The following SMC1A variants were observed in gnomAD, a reference collection of about 807,000 sequenced individuals.
SMC1A encodes structural maintenance of chromosomes 1A, also known as structural maintenance of chromosomes protein 1A.
Under a neutral mutation model 94.5 loss-of-function variants are expected in SMC1A, and 4 were observed. The observed-to-expected ratio is 0.04, with a 90% confidence interval of 0.02 to 0.10. The LOEUF (loss-of-function observed/expected upper bound fraction) is 0.10. Among genes scored for constraint, SMC1A ranks in the 10% least tolerant of loss-of-function variants. SMC1A has a pLI of 1.00. For missense variants in SMC1A, 304 were observed against 989.0 expected, an observed-to-expected ratio of 0.31 and a Z score of 9.29; for synonymous variants, 345 against 347.7, an observed-to-expected ratio of 0.99 and a Z score of 0.09.
At chrX:53,406,107 C>T in intron 9 of SMC1A, 151 bp from the exon 10 acceptor site, 1 of 561,089 alleles carries the variant, frequency 1.8e-6, no homozygotes, top group Non-Finnish European at 3.0e-6. Flanking sequence ...TAACCCAATA[C>T]CAAGCATGGT....
intron 7 of SMC1A, among the ~76,000 whole-genome samples, chrX:53,410,094 T>C (rs2075705323): frequency 9.0e-6 from 1 of 111,400 alleles, no homozygotes; most frequent in Non-Finnish European, 1.9e-5. Flanking sequence ...CTTTCTATCA[T>C]TGCTGTTATT....
chrX:53,380,239 G>A (rs1381905412), intron 24 of SMC1A, 53 bp from the exon 25 acceptor site: 15 of 930,028 alleles, frequency 1.6e-5, no homozygotes, highest in Non-Finnish European at 2.2e-5. Context: ...AGAATTAAGA[G>A]GGGTCTAGTG....
chrX:53,419,278 G>C (rs907986477), intron 1 of SMC1A, among the ~76,000 whole-genome samples: 45 of 110,248 alleles, frequency 4.1e-4, no homozygotes, highest in African/African-American at 1.5e-3. Context: ...TGTAATCCCA[G>C]CACTCTGGGA....
intron 24 of SMC1A, 96 bp downstream of exon 24, chrX:53,380,524 T>TC: frequency 1.7e-6 from 1 of 592,556 alleles, no homozygotes; most frequent in Non-Finnish European, 2.8e-6. Context: ...TTCCCTATGC[T>TC]CCCCCACCTC....
chrX:53,398,529 C>A, intron 16 of SMC1A, among the ~76,000 whole-genome samples: 1 of 111,459 alleles, frequency 9.0e-6, no homozygotes, highest in East Asian at 2.8e-4. Flanking sequence ...ACTGAATTTA[C>A]ATGGTCAATC....
At chrX:53,418,337 G>A (rs1248401319) in intron 1 of SMC1A, among the ~76,000 whole-genome samples, 1 of 111,788 alleles carries the variant, frequency 8.9e-6, no homozygotes, top group Admixed American at 9.5e-5. Flanking sequence ...GTTTCATCAT[G>A]TTAGCCAGGC....
intron 19 of SMC1A, among the ~76,000 whole-genome samples, chrX:53,385,040 T>C (rs1556886319): frequency 9.1e-6 from 1 of 109,708 alleles, no homozygotes; most frequent in African/African-American, 3.3e-5. Flanking sequence ...TGTATGTGCA[T>C]GCGTACAAGT....
At chrX:53,420,079 G>T (rs782036745) in intron 1 of SMC1A, among the ~76,000 whole-genome samples, 2 of 111,746 alleles carry the variant, frequency 1.8e-5, no homozygotes, top group African/African-American at 6.5e-5. Flanking sequence ...AAATATGTGC[G>T]GCACATACTT....
At position 53,407,029 on chromosome X, in the gene SMC1A, T is replaced by C. The variant is rs782357016; in HGVS notation, c.1546-1073A>G. 2.7e-5 allele frequency among the ~76,000 whole-genome samples: 3 copies of C among 112,366 alleles called. No individual in the cohort carries two copies. In the South Asian group the frequency reaches 1.1e-3, roughly 41 times the overall value. ...TATTTATTACATGATTGTTCTGATG[T>C]AAGGGATCTGTGTTTGAAGATCAAA... is the stretch of plus-strand genomic sequence containing the variant. On this transcript the variant is annotated intron_variant, in intron 9 of 24. Transcript: ENST00000322213.
intron 15 of SMC1A, among the ~76,000 whole-genome samples, chrX:53,402,960 G>C (rs1263621430): frequency 2.0e-5 from 2 of 99,987 alleles, no homozygotes; most frequent in African/African-American, 7.4e-5. Context: ...TTGAGCCCAG[G>C]AGATCAAGAC....
In SMC1A at chrX:53,387,430, T is replaced by C. The variant is rs1216827089; in HGVS notation, c.2974-4177A>G. Among the ~76,000 whole-genome samples the C allele has an allele frequency of 2.7e-5, 3 of 112,087 alleles. No homozygotes were observed. The East Asian group carries it at 8.3e-4, about 31-fold the overall frequency. On this transcript the variant is annotated intron_variant, in intron 19 of 24. Coordinates refer to ENST00000322213, the MANE Select transcript of SMC1A (RefSeq NM_006306.4). ...ATAACTGGAAGACTCAAAAAGAAAATCAATGACGTTAAACTAAAAATTACA... is the reference window on the plus strand; with the variant it reads ...ATAACTGGAAGACTCAAAAAGAAAACCAATGACGTTAAACTAAAAATTACA...
At chrX:53,410,966 G>GCA (rs1371145354) in intron 7 of SMC1A, among the ~76,000 whole-genome samples, 2 of 67,067 alleles carry the variant, frequency 3.0e-5, no homozygotes, top group Non-Finnish European at 5.0e-5. Context: ...ATGGTGGCAA[G>GCA]CACAAGTAAT....
intron 13 of SMC1A, 112 bp downstream of exon 13, chrX:53,404,900 C>T (rs2075685318): frequency 3.2e-5 from 29 of 913,183 alleles, no homozygotes; most frequent in Admixed American, 1.0e-4. Flanking sequence ...TGACTCCCTG[C>T]GGCAGGCTGG....
At chrX:53,412,307 T>C (rs1254135605) in intron 5 of SMC1A, 54 bp from the exon 6 acceptor site, 4 of 1,159,508 alleles carry the variant, frequency 3.4e-6, no homozygotes, top group Non-Finnish European at 4.7e-6. Context: ...AAGGGAGGGT[T>C]CCCAGGCTTT....
At chrX:53,414,893 G>A (rs1556891070) in intron 2 of SMC1A, 23 bp from the exon 3 acceptor site, 3 of 1,187,615 alleles carry the variant, frequency 2.5e-6, no homozygotes, top group Non-Finnish European at 3.4e-6. Flanking sequence ...GCATGAGTTG[G>A]CAAGGGTCAG....
chrX:53,392,066 T>C (rs189713528), intron 19 of SMC1A, among the ~76,000 whole-genome samples: 1 of 110,913 alleles, frequency 9.0e-6, no homozygotes, highest in African/African-American at 3.3e-5. Context: ...TTAAAAAAAA[T>C]AGTAATACCA....
chrX:53,409,767 G>A (rs2075704232), intron 7 of SMC1A, among the ~76,000 whole-genome samples: 1 of 111,616 alleles, frequency 9.0e-6, no homozygotes, highest in South Asian at 3.7e-4. Context: ...CAACCATGGA[G>A]GCTCAAATCA....
chrX:53,397,099 A>AT (rs2075654246), intron 16 of SMC1A, among the ~76,000 whole-genome samples: 1 of 109,577 alleles, frequency 9.1e-6, no homozygotes, highest in Non-Finnish European at 1.9e-5. Context: ...AATACTGTGC[A>AT]TTTTCTATGA....
chrX:53,412,313 G>A, intron 5 of SMC1A, 60 bp from the exon 6 acceptor site: 1 of 1,137,972 alleles, frequency 8.8e-7, no homozygotes, highest in South Asian at 1.8e-5. Flanking sequence ...GGGTTCCCAG[G>A]CTTTTCACCC....
Sources: gnomAD v4.1 joint callset for allele counts (sites outside exome capture counted in the v4.1 genomes callset) on GRCh38, gnomAD v4.1.1 for gene constraint, MANE v1.5 for transcripts, NCBI Gene and HGNC (gene_info 2026-07-23, HGNC 2026-07-21) for gene names.